The following WRN variants were observed in gnomAD, a reference collection of about 807,000 sequenced individuals.
The protein encoded by WRN is bifunctional 3'-5' exonuclease/ATP-dependent helicase WRN.
A neutral mutation model predicts 180.7 loss-of-function variants in WRN; 149 were observed. The observed-to-expected ratio is 0.82, with a 90% confidence interval of 0.72 to 0.94. WRN has a LOEUF of 0.94. WRN is among the 40% of genes least tolerant of loss of function. The pLI, the probability that WRN is intolerant of heterozygous loss-of-function variation, is 0.00. For synonymous variants in WRN, 548 were observed against 568.9 expected, an observed-to-expected ratio of 0.96 and a Z score of 0.52; for missense variants, 1,661 against 1,700.1, an observed-to-expected ratio of 0.98 and a Z score of 0.40.
chr8:31,051,944 A>T (rs919014666), intron 1 of WRN, among the ~76,000 whole-genome samples: 4 of 152,194 alleles, frequency 2.6e-5, no homozygotes, highest in Admixed American at 6.5e-5. Flanking sequence ...AAGAAGAATA[A>T]TATTTTATGA....
intron 8 of WRN, among the ~76,000 whole-genome samples, chr8:31,079,108 T>A (rs944059543): frequency 2.6e-5 from 4 of 152,240 alleles, no homozygotes; most frequent in Non-Finnish European, 5.9e-5. Flanking sequence ...CATCTTAGAA[T>A]GTTTAAATTA....
At chr8:31,101,921 C>T (rs1800886047) in intron 18 of WRN, among the ~76,000 whole-genome samples, 2 of 148,634 alleles carry the variant, frequency 1.3e-5, no homozygotes, top group Non-Finnish European at 3.0e-5. Flanking sequence ...TGTAGATTCA[C>T]AAGAAGTTGT....
Position 31,059,150 on chromosome 8 carries a change from A to C in WRN, c.97-3A>C. On this transcript the variant is annotated splice_region_variant and splice_polypyrimidine_tract_variant and intron_variant, in intron 2 of 34. Transcript: ENST00000298139. Reference sequence around the variant, plus strand: ...GCCTGTTTTGAAATTTACTAAACTCAAGGCATGTGTTCGGAAGAGTGTTTT... The same window carrying C: ...GCCTGTTTTGAAATTTACTAAACTCCAGGCATGTGTTCGGAAGAGTGTTTT... 1.2e-6 allele frequency: 2 copies of C among 1,611,120 alleles called. No homozygotes were observed. The highest frequency in any genetic ancestry group is 1.7e-6 in the Non-Finnish European group (2 of 1,177,370).
intron 1 of WRN, among the ~76,000 whole-genome samples, chr8:31,055,983 G>C (rs767559565): frequency 4.6e-5 from 7 of 152,150 alleles, no homozygotes; most frequent in Non-Finnish European, 7.4e-5. Context: ...ATTTGACAAA[G>C]ATATTAGGTT....
intron 1 of WRN, among the ~76,000 whole-genome samples, chr8:31,054,482 C>G (rs1048917666): frequency 1.1e-4 from 16 of 152,170 alleles, no homozygotes; most frequent in African/African-American, 3.9e-4. Context: ...CTTCAGCCTC[C>G]CAAAGTGCTA....
At chr8:31,101,148 C>T (rs1383510202) in intron 18 of WRN, among the ~76,000 whole-genome samples, 193 bp downstream of exon 18, 2 of 152,314 alleles carry the variant, frequency 1.3e-5, no homozygotes, top group East Asian at 1.9e-4. Flanking sequence ...CAAGGCTTGA[C>T]AAACCTTTTC....
chr8:31,100,919 C>A lies in WRN; in HGVS notation c.2052C>A (p.Phe684Leu). Residue 684 changes from phenylalanine (F) to leucine (L), a missense_variant, in exon 18 of 35, where the codon TTC becomes TTA. Phe to Leu is a conservative substitution (Grantham distance 22). Around this residue, in one of 3 missense-constraint regions of WRN, gnomAD observed 1,141 missense variants for 1,149.4 expected, o/e 0.99. Coordinates refer to ENST00000298139, the MANE Select transcript of WRN (RefSeq NM_000553.6). ...GGGGGCATGATTTTAGGGATTCATT[C>A]AGGAAGTTGGGCTCCCTAAAGACAG... Reference protein sequence around the residue: ...SEWGHDFRDSFRKLGSLKTAL... With the variant: ...SEWGHDFRDSLRKLGSLKTAL... 1 of 1,613,844 alleles carries A rather than the reference C, an allele frequency of 6.2e-7. No homozygotes were observed. The highest frequency in any genetic ancestry group is 8.5e-7 in the Non-Finnish European group (1 of 1,179,878).
intron 16 of WRN, among the ~76,000 whole-genome samples, chr8:31,096,158 A>G (rs1192384494): frequency 2.6e-5 from 4 of 152,214 alleles, no homozygotes; most frequent in African/African-American, 7.2e-5. Flanking sequence ...TTTTGTTCCT[A>G]TTTGATTCCT....
intron 33 of WRN, among the ~76,000 whole-genome samples, chr8:31,159,061 G>A (rs1334322036): frequency 1.3e-5 from 2 of 152,070 alleles, no homozygotes; most frequent in African/African-American, 4.8e-5. Flanking sequence ...CACTTTGGGA[G>A]ACCTAGATGG....
intron 28 of WRN, among the ~76,000 whole-genome samples, chr8:31,145,833 T>C (rs182220547): frequency 6.6e-6 from 1 of 152,120 alleles, no homozygotes; most frequent in Admixed American, 6.6e-5. Flanking sequence ...TCGATTCTTA[T>C]TAAAATCAAG....
chr8:31,080,554 C>A (rs1379682995), intron 8 of WRN, among the ~76,000 whole-genome samples: 1 of 146,354 alleles, frequency 6.8e-6, no homozygotes, highest in Non-Finnish European at 1.5e-5. Flanking sequence ...CATGTATCAT[C>A]AACTTTCTTT....
At chr8:31,106,245 C>T (rs1801091747) in intron 18 of WRN, among the ~76,000 whole-genome samples, 1 of 152,142 alleles carries the variant, frequency 6.6e-6, no homozygotes, top group African/African-American at 2.4e-5. Context: ...GTACGGGCCA[C>T]CATCTCCTTA....
chr8:31,160,994 A>G (rs1318723183), intron 33 of WRN, among the ~76,000 whole-genome samples: 1 of 151,908 alleles, frequency 6.6e-6, no homozygotes, highest in Non-Finnish European at 1.5e-5. Flanking sequence ...TCTCAAAAAA[A>G]AAAAAATAGA....
At position 31,101,045 on chromosome 8, in the gene WRN, C is replaced by T. The variant is rs11574274; in HGVS notation, c.2088+90C>T. 26,774 of 1,083,026 alleles carry T rather than the reference C, an allele frequency of 0.025. 431 individuals carry two copies. Among genetic ancestry groups the T allele is most frequent in the Non-Finnish European group, 0.031 (22,170 of 712,378 alleles). 67.1% of individuals were successfully genotyped at this position (1,083,026 alleles called of 1,614,324 possible). ...GGAGTGGTAAAGAAGCTGAAGACTT[C>T]ACTATAAAAGAGCAAATGGATAATG... is the stretch of plus-strand genomic sequence containing the variant. On this transcript the variant is annotated intron_variant, in intron 18 of 34. Coordinates refer to ENST00000298139, the MANE Select transcript of WRN (RefSeq NM_000553.6).
chr8:31,131,140 T>A (rs1585500001), intron 23 of WRN, among the ~76,000 whole-genome samples: 1 of 135,326 alleles, frequency 7.4e-6, no homozygotes, highest in East Asian at 2.3e-4. Flanking sequence ...CAGGATGTGG[T>A]GGAACCAAAT....
At chr8:31,099,961 G>C (rs1220864236) in intron 17 of WRN, among the ~76,000 whole-genome samples, 1 of 152,160 alleles carries the variant, frequency 6.6e-6, no homozygotes, top group Non-Finnish European at 1.5e-5. Flanking sequence ...GGTGGAGCCA[G>C]GTTCTGCATC....
chr8:31,057,483 A>G (rs1812315322), intron 1 of WRN, among the ~76,000 whole-genome samples: 2 of 152,284 alleles, frequency 1.3e-5, no homozygotes, highest in South Asian at 2.1e-4. Flanking sequence ...AGGCAGGAGA[A>G]TGGCATGAAC....
chr8:31,076,029 G>A (rs1813080993), intron 7 of WRN, 144 bp from the exon 8 acceptor site: 1 of 691,574 alleles, frequency 1.4e-6, no homozygotes, highest in African/African-American at 1.8e-5. Flanking sequence ...GGCAATTTGG[G>A]GATTGAATAA....
chr8:31,144,258 C>T (rs936478401), intron 28 of WRN, among the ~76,000 whole-genome samples: 28 of 151,754 alleles, frequency 1.8e-4, no homozygotes, highest in African/African-American at 6.3e-4. Context: ...TTCTCTCCCT[C>T]TCCTCGGGTC....
Sources: gnomAD v4.1 joint callset for allele counts (sites outside exome capture counted in the v4.1 genomes callset) on GRCh38, gnomAD v4.1.1 for gene constraint, gnomAD v4.1.1 regional missense constraint, MANE v1.5 for transcripts, NCBI Gene and HGNC (gene_info 2026-07-23, HGNC 2026-07-21) for gene names.